The following GLIS2 variants were observed in gnomAD, a reference collection of about 807,000 sequenced individuals.
The protein encoded by GLIS2 is zinc finger protein GLIS2.
A neutral mutation model predicts 35.6 loss-of-function variants in GLIS2; 14 were observed. That is an observed-to-expected ratio of 0.39 (90% CI 0.26 to 0.61). The LOEUF is 0.61. Among genes scored for constraint, GLIS2 ranks in the 20% least tolerant of loss-of-function variants. The pLI, the probability that GLIS2 is intolerant of heterozygous loss-of-function variation, is 0.48. For missense variants in GLIS2, 675 were observed against 713.4 expected (o/e 0.95, Z 0.61); for synonymous variants, 368 against 325.1 (o/e 1.13, Z -1.42).
intron 1 of GLIS2, among the ~76,000 whole-genome samples, chr16:4,327,757 G>GGTCCCCGCGGCC (rs2053450141): frequency 6.7e-6 from 1 of 148,726 alleles, no homozygotes; most frequent in Non-Finnish European, 1.5e-5. Flanking sequence ...CCGTCCCGGT[G>GGTCCCCGCGGCC]GTCCCCGCGG....
intron 3 of GLIS2, among the ~76,000 whole-genome samples, chr16:4,334,256 T>A (rs1473100675): frequency 6.0e-5 from 8 of 134,136 alleles, no homozygotes; most frequent in African/African-American, 1.1e-4. Context: ...TTTTTTTTTT[T>A]AAACAGGGTC....
chr16:4,326,815 C>T (rs1183789210), intron 1 of GLIS2, among the ~76,000 whole-genome samples: 1 of 147,204 alleles, frequency 6.8e-6, no homozygotes, highest in African/African-American at 2.5e-5. Flanking sequence ...GGCTGGAGTG[C>T]AGTGGCGCGA....
At chr16:4,317,133 G>C (rs1484144201) in intron 1 of GLIS2, among the ~76,000 whole-genome samples, 1 of 152,278 alleles carries the variant, frequency 6.6e-6, no homozygotes, top group East Asian at 1.9e-4. Flanking sequence ...GAGGGTGGCC[G>C]GGAAGCAATG....
intron 2 of GLIS2, 116 bp from the exon 3 acceptor site, chr16:4,333,231 T>C (rs28703764): frequency 8.9e-7 from 1 of 1,122,706 alleles, no homozygotes; most frequent in South Asian, 1.3e-5. Context: ...ATTCGTGTGG[T>C]CTGGGGGCAT....
intron 1 of GLIS2, among the ~76,000 whole-genome samples, chr16:4,321,133 G>T (rs1469758581): frequency 6.6e-6 from 1 of 152,192 alleles, no homozygotes; most frequent in Non-Finnish European, 1.5e-5. Context: ...GCCTGCTCTT[G>T]CCCAGCTATC....
rs1596236995 is a variant in GLIS2, at chr16:4,327,931, G to C, written c.-66-4284G>C. ...CTCGCCCCAACCCCTGGGCCCTTGC[G>C]TGTGGGGGCGCTGCCCTGGGCGCAT... On this transcript the variant is annotated intron_variant, in intron 1 of 6. Transcript: ENST00000433375. 2.7e-5 allele frequency among the ~76,000 whole-genome samples: 4 copies of C among 150,174 alleles called. 1 individual carries two copies. In the East Asian group the frequency reaches 8.0e-4, roughly 30 times the overall value.
chr16:4,333,558 G>T (rs1346798561), intron 3 of GLIS2, 39 bp downstream of exon 3: 6 of 1,571,794 alleles, frequency 3.8e-6, no homozygotes, highest in Non-Finnish European at 4.3e-6. Flanking sequence ...GGGGTGGACT[G>T]GTTTCCTGGG....
chr16:4,326,105 TGTG>T (rs2053427637), intron 1 of GLIS2, among the ~76,000 whole-genome samples: 1 of 150,350 alleles, frequency 6.7e-6, no homozygotes, highest in African/African-American at 2.5e-5. Flanking sequence ...ATTAGCCGGG[TGTG>T]GTGGTGGGCG....
At chr16:4,336,080 CCCAGGCAGCACTCCCTGTGG>C (rs1205632152) in intron 6 of GLIS2, 1 of 185,082 alleles carries the variant, frequency 5.4e-6, no homozygotes, top group Non-Finnish European at 1.1e-5. Context: ...GGCAGTAGCG[CCCAGGCAGCACTCCCTGTGG>C]CCAGGCCCAC....
At chr16:4,322,170 G>A (rs945342551) in intron 1 of GLIS2, among the ~76,000 whole-genome samples, 1 of 151,366 alleles carries the variant, frequency 6.6e-6, no homozygotes, top group Non-Finnish European at 1.5e-5. Context: ...AGGAAGGGGG[G>A]TGCCAAAGGA....
chr16:4,337,131 T>TG lies in GLIS2; in HGVS notation c.1190dup (p.Met398HisfsTer69), dbSNP rs746968228. On this transcript the variant is annotated frameshift_variant, in exon 7 of 7. Transcript: ENST00000433375. LOFTEE classifies it high-confidence loss of function. Reference sequence around the variant, plus strand: ...GTGGCAACGGTGGGGGCAGTGGGGGTGGGGGGGGCATGGGCCCTGGGCTGC... The same window carrying TG: ...GTGGCAACGGTGGGGGCAGTGGGGGTGGGGGGGGGCATGGGCCCTGGGCTGC... 52 of 1,529,098 alleles carry TG rather than the reference T, an allele frequency of 3.4e-5. No individual in the cohort carries two copies. Among genetic ancestry groups the TG allele is most frequent in the Middle Eastern group, 2.2e-4 (1 of 4,558 alleles). 94.7% of individuals were successfully genotyped at this position (1,529,098 alleles called of 1,614,324 possible).
At chr16:4,319,708 G>A (rs533045184) in intron 1 of GLIS2, among the ~76,000 whole-genome samples, 36 of 152,266 alleles carry the variant, frequency 2.4e-4, no homozygotes, top group Admixed American at 4.6e-4. Context: ...GGGGGCCAGC[G>A]TGGGGGCACT....
At chr16:4,323,396 C>A (rs1052515908) in intron 1 of GLIS2, among the ~76,000 whole-genome samples, 19 of 152,280 alleles carry the variant, frequency 1.2e-4, no homozygotes, top group South Asian at 8.3e-4. Flanking sequence ...AGCACCCCCC[C>A]AAAGCTGGGC....
chr16:4,324,408 T>C (rs1470733749), intron 1 of GLIS2, among the ~76,000 whole-genome samples: 1 of 152,210 alleles, frequency 6.6e-6, no homozygotes, highest in Admixed American at 6.5e-5. Flanking sequence ...CTTTCTTTGA[T>C]GCAGTTGGGC....
upstream of GLIS2, among the ~76,000 whole-genome samples, chr16:4,315,668 G>GT (rs2053300301): frequency 6.9e-6 from 1 of 145,522 alleles, no homozygotes; most frequent in Non-Finnish European, 1.5e-5. Context: ...CGGGGCCGCG[G>GT]GGGGGGGGTG....
chr16:4,337,485 G>C lies in GLIS2; in HGVS notation c.1536G>C (p.Pro512=). Reference sequence around the variant, plus strand: ...TGGCCCCTGGCTGGGTGGTCATCCCGCCGGGCTCGGTGCTGCTCAAACCGG... The same window carrying C: ...TGGCCCCTGGCTGGGTGGTCATCCCCCCGGGCTCGGTGCTGCTCAAACCGG... ...EALAPGWVVI[P]PGSVLLKPAV... Residue 512 remains proline (P), a synonymous_variant, in exon 7 of 7, where the codon CCG becomes CCC. Transcript: ENST00000433375. The C allele has an allele frequency of 6.4e-7, 1 of 1,569,386 alleles. No homozygotes were observed. The highest frequency in any genetic ancestry group is 1.8e-5 in the Admixed American group (1 of 54,948).
intron 1 of GLIS2, among the ~76,000 whole-genome samples, chr16:4,324,077 G>A (rs1054545758): frequency 6.6e-6 from 1 of 152,196 alleles, no homozygotes; most frequent in African/African-American, 2.4e-5. Context: ...CCACGGCAGA[G>A]GGCAGAGGTC....
intron 1 of GLIS2, among the ~76,000 whole-genome samples, chr16:4,319,666 C>T (rs557268530): frequency 1.3e-5 from 2 of 152,078 alleles, no homozygotes; most frequent in East Asian, 3.9e-4. Flanking sequence ...GGGGACTCCG[C>T]GCTTCCAACA....
chr16:4,326,705 T>C (rs2053433566), intron 1 of GLIS2, among the ~76,000 whole-genome samples: 1 of 150,222 alleles, frequency 6.7e-6, no homozygotes, highest in South Asian at 2.1e-4. Context: ...TCCTCCCACC[T>C]CAGCCTCCCG....
Sources: gnomAD v4.1 joint callset for allele counts (sites outside exome capture counted in the v4.1 genomes callset) on GRCh38, gnomAD v4.1.1 for gene constraint, MANE v1.5 for transcripts, NCBI Gene and HGNC (gene_info 2026-07-23, HGNC 2026-07-21) for gene names.